AP3B1: variants seen among roughly 807,000 people sequenced by gnomAD.
The protein encoded by AP3B1 is adaptor related protein complex 3 subunit beta 1, also known as AP-3 complex subunit beta-1.
A neutral mutation model predicts 132.5 loss-of-function variants in AP3B1; 61 were observed. The observed-to-expected ratio is 0.46, with a 90% CI of 0.37 to 0.57. The LOEUF is 0.57. Among genes scored for constraint, AP3B1 ranks in the 20% least tolerant of loss-of-function variants. The pLI, the probability that AP3B1 is intolerant of heterozygous loss-of-function variation, is 0.00. For synonymous variants in AP3B1, 388 were observed against 438.3 expected (o/e 0.89, Z 1.43); for missense variants, 1,120 against 1,289.4 (o/e 0.87, Z 2.01).
rs186749697 is a variant in AP3B1, at chr5:78,081,756, T to C, written c.2577+7637A>G. Reference sequence around the variant, plus strand: ...TAGGAATATAACTATCTGTAGTTTTTTCCTTAACTCGGTAAGACACTGAAG... The same window carrying C: ...TAGGAATATAACTATCTGTAGTTTTCTCCTTAACTCGGTAAGACACTGAAG... On this transcript the variant is annotated intron_variant, in intron 22 of 26. Transcript: ENST00000255194. 4.3e-3 allele frequency among the ~76,000 whole-genome samples: 660 copies of C among 152,326 alleles called. 3 individuals are homozygous for C. The highest frequency in any genetic ancestry group is 7.5e-3 in the Non-Finnish European group (510 of 68,024).
intron 25 of AP3B1, 96 bp from the exon 26 acceptor site, chr5:78,015,644 CA>C: frequency 8.1e-7 from 1 of 1,233,208 alleles, no homozygotes; most frequent in East Asian, 2.4e-5. Context: ...AACTTTTTTT[CA>C]ACAAAAGAAA....
intron 7 of AP3B1, among the ~76,000 whole-genome samples, chr5:78,192,471 G>A (rs1402104146): frequency 2.6e-5 from 4 of 151,798 alleles, no homozygotes; most frequent in African/African-American, 9.7e-5. Context: ...GTGAAACCCT[G>A]TCTCTACTAA....
intron 26 of AP3B1, among the ~76,000 whole-genome samples, chr5:78,014,016 A>C (rs1256287207): frequency 6.6e-6 from 1 of 152,148 alleles, no homozygotes; most frequent in East Asian, 1.9e-4. Context: ...ACAAAAAATT[A>C]GCCGGGCGTG....
intron 16 of AP3B1, 27 bp downstream of exon 16, chr5:78,129,094 T>C (rs751627847): frequency 1.8e-5 from 28 of 1,581,388 alleles, no homozygotes; most frequent in Non-Finnish European, 2.2e-5. Flanking sequence ...AGATAACATA[T>C]ATTTTGGAGT....
intron 7 of AP3B1, among the ~76,000 whole-genome samples, chr5:78,186,193 A>T (rs1355338992): frequency 6.6e-6 from 1 of 152,194 alleles, no homozygotes; most frequent in Non-Finnish European, 1.5e-5. Flanking sequence ...AAGTAAAAAG[A>T]TGGAAAAATA....
chr5:78,035,808 C>A (rs1319927440), intron 23 of AP3B1, among the ~76,000 whole-genome samples: 2 of 152,094 alleles, frequency 1.3e-5, no homozygotes, highest in Non-Finnish European at 2.9e-5. Context: ...CTCCCTAAAT[C>A]TCTAGCAAAC....
chr5:78,263,934 C>T (rs779161033), intron 2 of AP3B1, among the ~76,000 whole-genome samples: 3 of 152,198 alleles, frequency 2.0e-5, no homozygotes, highest in Non-Finnish European at 4.4e-5. Context: ...CGTTTAGATA[C>T]ACAAATACTT....
At chr5:78,126,810 G>A (rs1752485016) in intron 17 of AP3B1, among the ~76,000 whole-genome samples, 1 of 152,118 alleles carries the variant, frequency 6.6e-6, no homozygotes, top group South Asian at 2.1e-4. Flanking sequence ...AGCATGGACA[G>A]TGAACTCAGA....
intron 14 of AP3B1, among the ~76,000 whole-genome samples, chr5:78,151,464 C>T (rs1266447151): frequency 6.6e-6 from 1 of 152,136 alleles, no homozygotes; most frequent in African/African-American, 2.4e-5. Context: ...TAAGATTTTC[C>T]CCATTCAGTA....
intron 15 of AP3B1, among the ~76,000 whole-genome samples, chr5:78,136,431 T>C (rs886817040): frequency 2.0e-5 from 3 of 152,086 alleles, no homozygotes; most frequent in South Asian, 2.1e-4. Context: ...AAATACTAGG[T>C]GAAGGCATAA....
chr5:78,104,514 A>T (rs1464330376), intron 20 of AP3B1, among the ~76,000 whole-genome samples: 1 of 152,136 alleles, frequency 6.6e-6, no homozygotes, highest in Non-Finnish European at 1.5e-5. Context: ...GCTTTGCATT[A>T]TAACAGTAAA....
chr5:78,255,006 A>T (rs1203498446), intron 2 of AP3B1, among the ~76,000 whole-genome samples: 2 of 152,136 alleles, frequency 1.3e-5, no homozygotes, highest in Non-Finnish European at 2.9e-5. Flanking sequence ...TGTTTATGCA[A>T]ATAGTGTTAA....
intron 15 of AP3B1, among the ~76,000 whole-genome samples, chr5:78,135,615 T>C (rs1299465175): frequency 6.6e-6 from 1 of 152,206 alleles, no homozygotes; most frequent in Non-Finnish European, 1.5e-5. Flanking sequence ...TATACACATA[T>C]GTATTTATGC....
At chr5:78,124,568 A>G (rs1269596019) in intron 17 of AP3B1, among the ~76,000 whole-genome samples, 3 of 152,154 alleles carry the variant, frequency 2.0e-5, no homozygotes, top group African/African-American at 7.2e-5. Context: ...GAGCAAAATC[A>G]TGTCTCAAAA....
At chr5:78,225,109 A>G (rs1746350018) in intron 6 of AP3B1, among the ~76,000 whole-genome samples, 1 of 152,104 alleles carries the variant, frequency 6.6e-6, no homozygotes, top group Admixed American at 6.5e-5. Context: ...GCTGCCATGC[A>G]TAGATAGTAC....
intron 17 of AP3B1, among the ~76,000 whole-genome samples, chr5:78,120,663 C>A (rs1165699173): frequency 6.6e-6 from 1 of 151,946 alleles, no homozygotes; most frequent in South Asian, 2.1e-4. Flanking sequence ...TATATATGCA[C>A]CCAATACAGG....
intron 22 of AP3B1, chr5:78,042,427 T>C (rs1748130731): frequency 6.6e-6 from 1 of 152,174 alleles, no homozygotes; most frequent in African/African-American, 2.4e-5. Context: ...GTTGTGATGG[T>C]GTCTTGCTTT....
At chr5:78,125,218 A>G (rs1752407506) in intron 17 of AP3B1, among the ~76,000 whole-genome samples, 1 of 152,140 alleles carries the variant, frequency 6.6e-6, no homozygotes, top group Non-Finnish European at 1.5e-5. Flanking sequence ...TAAATTATTA[A>G]CTAAGGATCT....
intron 14 of AP3B1, among the ~76,000 whole-genome samples, chr5:78,151,183 TGTTA>T (rs1275034734): frequency 2.0e-5 from 3 of 152,150 alleles, no homozygotes; most frequent in Non-Finnish European, 2.9e-5. Flanking sequence ...CCTCCCAAAG[TGTTA>T]GTTAGGATTA....
Sources: gnomAD v4.1 joint callset for allele counts (sites outside exome capture counted in the v4.1 genomes callset) on GRCh38, gnomAD v4.1.1 for gene constraint, MANE v1.5 for transcripts, NCBI Gene and HGNC (gene_info 2026-07-23, HGNC 2026-07-21) for gene names.